Variants in NT5DC4 observed in about 807,000 individuals in gnomAD.
NT5DC4 encodes the protein 5'-nucleotidase domain containing 4.
A neutral mutation model predicts 26.6 loss-of-function variants in NT5DC4; 44 were observed. The ratio of observed to expected loss-of-function variants is 1.65; its 90% confidence interval spans 1.30 to 2.13. The LOEUF (loss-of-function observed/expected upper bound fraction) is 2.13. NT5DC4 is among the 30% of genes most tolerant of loss of function. NT5DC4 has a pLI of 0.00. For missense variants in NT5DC4, 399 were observed against 228.1 expected (o/e 1.75, Z -4.83); for synonymous variants, 157 against 86.7 (o/e 1.81, Z -4.51).
At chr2:112,735,619 C>A (rs76156541) in intron 16 of NT5DC4, among the ~76,000 whole-genome samples, 2,884 of 152,192 alleles carry the variant, frequency 0.019, 90 homozygotes, top group African/African-American at 0.066. Context: ...CTTCCCAAAT[C>A]ATTAAGGGCC....
At chr2:112,723,224 T>C in intron 7 of NT5DC4, 50 bp downstream of exon 7, 2 of 717,034 alleles carry the variant, frequency 2.8e-6, no homozygotes, top group Non-Finnish European at 5.2e-6. Context: ...CTGCTCTTGG[T>C]TCCCCGGGCA....
chr2:112,719,986 C>A (rs60494832), upstream of NT5DC4, among the ~76,000 whole-genome samples: 9 of 75,272 alleles, frequency 1.2e-4, no homozygotes, highest in Non-Finnish European at 5.6e-5. Context: ...TTCTTTCTTT[C>A]TTTTTCTTTT....
upstream of NT5DC4, among the ~76,000 whole-genome samples, chr2:112,720,465 A>G (rs1676778701): frequency 6.6e-6 from 1 of 152,186 alleles, no homozygotes; most frequent in African/African-American, 2.4e-5. Flanking sequence ...TTGTGGAGCC[A>G]GTGGTATGGG....
At chr2:112,732,746 G>A (rs11123148) in intron 16 of NT5DC4, among the ~76,000 whole-genome samples, 59,992 of 152,008 alleles carry the variant, frequency 0.39, 12,042 homozygotes, top group Middle Eastern at 0.48. Context: ...AAAGGAGAGA[G>A]GTGGCCAAAG....
chr2:112,737,982 A>C (rs1006232280), intron 16 of NT5DC4: 1 of 152,230 alleles, frequency 6.6e-6, no homozygotes, highest in Non-Finnish European at 1.5e-5. Flanking sequence ...ATAATGACTA[A>C]GGTAAAACCT....
intron 13 of NT5DC4, among the ~76,000 whole-genome samples, chr2:112,725,802 C>A (rs900656147): frequency 1.3e-5 from 2 of 152,144 alleles, no homozygotes; most frequent in African/African-American, 4.8e-5. Flanking sequence ...CCAAGAATCC[C>A]GTGGTGTTTC....
chr2:112,722,541 G>T lies in NT5DC4; in HGVS notation c.421G>T (p.Asp141Tyr). 1.4e-6 allele frequency: 1 copy of T among 717,410 alleles called. No individual in the cohort carries two copies. The highest frequency in any genetic ancestry group is 2.6e-6 in the Non-Finnish European group (1 of 385,078). The allele number at this position is 717,410 out of a possible 1,614,324, so 44.4% of individuals were successfully genotyped here. A position where few individuals can be genotyped will look rare whatever the true frequency, so the allele number is the denominator to read the frequency against. The change falls in exon 5 of 17, where the codon GAC becomes TAC. Residue 141 changes from aspartate to tyrosine, a missense_variant. Coordinates refer to ENST00000688554, the MANE Select transcript of NT5DC4 (RefSeq NM_001393655.1). ...CTACCCCAGCAAGTTCATTCAGAGG[G>T]ACGACCTGCAGTGTTTCTACATACT... Reference protein sequence around the residue: ...SFYPSKFIQRDDLQCFYILNM... With the variant: ...SFYPSKFIQRYDLQCFYILNM...
upstream of NT5DC4, among the ~76,000 whole-genome samples, chr2:112,719,309 G>C (rs1676618091): frequency 6.6e-6 from 1 of 152,186 alleles, no homozygotes; most frequent in Non-Finnish European, 1.5e-5. Flanking sequence ...TCGTTCCGCA[G>C]CACACAACTG....
intron 16 of NT5DC4, among the ~76,000 whole-genome samples, chr2:112,736,391 C>T (rs1467814634): frequency 2.0e-5 from 3 of 152,172 alleles, no homozygotes; most frequent in African/African-American, 7.2e-5. Context: ...TTAAGATTTA[C>T]AACATGATGT....
chr2:112,728,331 G>A (rs1678025756), intron 15 of NT5DC4, among the ~76,000 whole-genome samples: 1 of 152,190 alleles, frequency 6.6e-6, no homozygotes, highest in Non-Finnish European at 1.5e-5. Context: ...CTTCCGAAGG[G>A]GTGGAGGAGG....
In NT5DC4 at chr2:112,731,712, T is replaced by G. The variant is rs191740545; in HGVS notation, c.1344+2008T>G. 3 of 152,300 alleles carry G rather than the reference T, an allele frequency of 2.0e-5. No individual in the cohort carries two copies. The East Asian group carries it at 5.8e-4, about 29-fold the overall frequency. 9.4% of individuals were successfully genotyped at this position (152,300 alleles called of 1,614,324 possible). A position where few individuals can be genotyped will look rare whatever the true frequency, so the allele number is the denominator to read the frequency against. ...CACTGATTTCAGTTTACTCCTACAGTTTACTTTTTGTCTGTTAGTGGTATC... is the reference window on the plus strand; with the variant it reads ...CACTGATTTCAGTTTACTCCTACAGGTTACTTTTTGTCTGTTAGTGGTATC... On this transcript the variant is annotated intron_variant, in intron 16 of 16. Transcript: ENST00000688554.
At chr2:112,720,303 A>T (rs1676770029), upstream of NT5DC4, among the ~76,000 whole-genome samples, 1 of 151,044 alleles carries the variant, frequency 6.6e-6, no homozygotes, top group Non-Finnish European at 1.5e-5. Context: ...CTGACCACGT[A>T]TCCACCCACC....
Position 112,729,513 on chromosome 2 carries a change from C to T in NT5DC4, c.1267-114C>T, listed in dbSNP as rs1343780878. ...GAGGTTCCTTCCTCTGCAGCAACAT[C>T]GTTGGGCAGGAAGTTGGCAGCTGTG... On this transcript the variant is annotated intron_variant, in intron 15 of 16. Transcript: ENST00000688554. 2.8e-5 allele frequency: 19 copies of T among 669,288 alleles called. No individual in the cohort carries two copies. The Admixed American group carries it at 3.2e-4, about 11-fold the overall frequency. The allele number at this position is 669,288 out of a possible 1,614,324, so 41.5% of individuals were successfully genotyped here. A position where few individuals can be genotyped will look rare whatever the true frequency, so the allele number is the denominator to read the frequency against.
upstream of NT5DC4, among the ~76,000 whole-genome samples, chr2:112,719,700 T>C (rs147000521): frequency 1.8e-4 from 28 of 151,716 alleles, no homozygotes; most frequent in Admixed American, 1.3e-4. Context: ...TGGCCAGGCT[T>C]GTCTCAAACT....
upstream of NT5DC4, among the ~76,000 whole-genome samples, chr2:112,719,932 T>TTCTCTC (rs1362751040): frequency 4.1e-5 from 2 of 48,748 alleles, no homozygotes; most frequent in South Asian, 1.3e-3. Flanking sequence ...TTCTCTTTCT[T>TTCTCTC]TCTTTCTTTC....
At chr2:112,721,570 G>A in intron 1 of NT5DC4, 1 of 717,722 alleles carries the variant, frequency 1.4e-6, no homozygotes, top group Non-Finnish European at 2.6e-6. Flanking sequence ...GCGGCTGATT[G>A]CCCGCACACA....
In NT5DC4 at chr2:112,723,102, T is replaced by C. The variant is rs1167541384; in HGVS notation, c.549T>C (p.His183=). ...RYTNCDTGYQ[H]GNLFMSFRSL... ...CCAGTTGTGACACCGGCTATCAGCA[T>C]GGGAACCTCTTCATGTCCTTCCGAA... The change falls in exon 7 of 17, where the codon CAT becomes CAC. Residue 183 remains histidine, a synonymous_variant. Coordinates refer to ENST00000688554, the MANE Select transcript of NT5DC4 (RefSeq NM_001393655.1). The C allele has an allele frequency of 1.4e-6, 1 of 716,908 alleles. No individual in the cohort carries two copies. The highest frequency in any genetic ancestry group is 1.5e-5 in the South Asian group (1 of 67,562). The allele number at this position is 716,908 out of a possible 1,614,324, so 44.4% of individuals were successfully genotyped here. A position where few individuals can be genotyped will look rare whatever the true frequency, so the allele number is the denominator to read the frequency against.
chr2:112,742,754 G>A (rs561549815), downstream of NT5DC4: 21 of 1,608,332 alleles, frequency 1.3e-5, no homozygotes, highest in Middle Eastern at 3.3e-4. Flanking sequence ...ACAACTTTCC[G>A]CAACTCTTGT....
At chr2:112,735,805 T>TATA (rs1553437745) in intron 16 of NT5DC4, among the ~76,000 whole-genome samples, 1 of 152,220 alleles carries the variant, frequency 6.6e-6, no homozygotes, top group Non-Finnish European at 1.5e-5. Context: ...TGCAAGACTC[T>TATA]ATAGTCTGAC....
Sources: gnomAD v4.1 joint callset for allele counts (sites outside exome capture counted in the v4.1 genomes callset) on GRCh38, gnomAD v4.1.1 for gene constraint, MANE v1.5 for transcripts, NCBI Gene and HGNC (gene_info 2026-07-23, HGNC 2026-07-21) for gene names.